PHF14: variants seen among roughly 807,000 people sequenced by gnomAD.
PHF14 encodes the protein PHD finger protein 14.
A neutral mutation model predicts 117.9 loss-of-function variants in PHF14; 55 were observed. The observed-to-expected ratio is 0.47, with a 90% CI of 0.38 to 0.58. PHF14 has a LOEUF of 0.58. Ranked by LOEUF, PHF14 falls within the 20% of genes least tolerant of loss-of-function variation. The pLI, the probability that PHF14 is intolerant of heterozygous loss-of-function variation, is 0.00. For missense variants in PHF14, 978 were observed against 1,122.2 expected, an observed-to-expected ratio of 0.87 and a Z score of 1.84; for synonymous variants, 409 against 368.6, an observed-to-expected ratio of 1.11 and a Z score of -1.26.
intron 16 of PHF14, among the ~76,000 whole-genome samples, chr7:11,080,781 CATGCCCTAATGAGCAAATGCATTAGA>C (rs1786068108): frequency 6.6e-6 from 1 of 152,170 alleles, no homozygotes; most frequent in Non-Finnish European, 1.5e-5. Context: ...GTGATTAAAG[CATGCCCTAATGAGCAAATGCATTAGA>C]GGGCCATCAA....
At position 11,028,088 on chromosome 7, in the gene PHF14, A is replaced by C. The variant is rs545618861; in HGVS notation, c.1318-593A>C. Among the ~76,000 whole-genome samples, 4 of 152,278 alleles carry C rather than the reference A, an allele frequency of 2.6e-5. No homozygotes were observed. In the South Asian group the frequency reaches 8.3e-4, roughly 32 times the overall value. On this transcript the variant is annotated intron_variant, in intron 6 of 17. Transcript: ENST00000634607. ...TAAGTTTAAAATATTTTAAGTTGAG[A>C]TTAATTTAATACACCTAACTTACTG...
rs772786098 is a variant in PHF14, at chr7:10,983,126, T to C, written c.867T>C (p.Asp289=). 1.3e-6 allele frequency: 2 copies of C among 1,598,366 alleles called. No homozygotes were observed. Among genetic ancestry groups the C allele is most frequent in the Non-Finnish European group, 1.7e-6 (2 of 1,178,964 alleles). ...NSADDEELTN[D]SLTLSQSKSN... ...CTGATGATGAGGAACTGACCAATGATAGCCTGACCCTATCTCAAAGCAAGA... is the reference window on the plus strand; with the variant it reads ...CTGATGATGAGGAACTGACCAATGACAGCCTGACCCTATCTCAAAGCAAGA... The change falls in exon 3 of 18, where the codon GAT becomes GAC. Residue 289 remains aspartate, a synonymous_variant. Coordinates refer to ENST00000634607, the MANE Select transcript of PHF14 (RefSeq NM_001007157.2).
chr7:10,985,288 T>C (rs1394605392), intron 3 of PHF14, among the ~76,000 whole-genome samples: 1 of 152,182 alleles, frequency 6.6e-6, no homozygotes, highest in Non-Finnish European at 1.5e-5. Context: ...TAGTTAAGTA[T>C]ATATTTGATT....
At chr7:10,997,483 CAT>C in intron 4 of PHF14, among the ~76,000 whole-genome samples, 1 of 152,168 alleles carries the variant, frequency 6.6e-6, no homozygotes, top group East Asian at 1.9e-4. Context: ...TATCCCAAAA[CAT>C]AGCAGCTTAA....
At chr7:11,116,256 GTC>G (rs1426382306) in intron 17 of PHF14, among the ~76,000 whole-genome samples, 1 of 151,892 alleles carries the variant, frequency 6.6e-6, no homozygotes, top group East Asian at 1.9e-4. Flanking sequence ...CTTATCTACT[GTC>G]TCTATCTCCA....
intron 4 of PHF14, among the ~76,000 whole-genome samples, chr7:10,996,882 T>C (rs1352938260): frequency 6.6e-6 from 1 of 152,244 alleles, no homozygotes; most frequent in African/African-American, 2.4e-5. Flanking sequence ...GGAGCAAGTA[T>C]GCCTGGTCAT....
At chr7:11,042,634 C>T in intron 12 of PHF14, 49 bp from the exon 13 acceptor site, 1 of 1,323,768 alleles carries the variant, frequency 7.6e-7, no homozygotes, top group South Asian at 1.4e-5. Context: ...TAAACTGTTT[C>T]ACTATGATAA....
In PHF14 at chr7:11,009,387, A is replaced by G. The variant is rs75924081; in HGVS notation, c.1046-4360A>G. Among the ~76,000 whole-genome samples the G allele has an allele frequency of 2.9e-4, 44 of 152,342 alleles. 1 individual carries two copies. The East Asian group carries it at 8.5e-3, about 29-fold the overall frequency. Reference sequence around the variant, plus strand: ...AACACATATTTTTATTTTCTTAAATATGAGTTGTGTACATTGCATATATTA... The same window carrying G: ...AACACATATTTTTATTTTCTTAAATGTGAGTTGTGTACATTGCATATATTA... On this transcript the variant is annotated intron_variant, in intron 4 of 17. Transcript: ENST00000634607.
chr7:10,987,365 CACAT>C (rs1583331730), intron 3 of PHF14, among the ~76,000 whole-genome samples: 1 of 151,976 alleles, frequency 6.6e-6, no homozygotes. Context: ...TTGTATTAAA[CACAT>C]GTGATTTAGA....
intron 5 of PHF14, among the ~76,000 whole-genome samples, chr7:11,018,874 G>A (rs1445811618): frequency 2.0e-5 from 3 of 152,002 alleles, no homozygotes; most frequent in Non-Finnish European, 4.4e-5. Flanking sequence ...ACTAGCTGTG[G>A]GTCTGTCATA....
At chr7:11,046,662 AC>A (rs1784675644) in intron 13 of PHF14, among the ~76,000 whole-genome samples, 1 of 152,180 alleles carries the variant, frequency 6.6e-6, no homozygotes, top group Non-Finnish European at 1.5e-5. Flanking sequence ...TATTATAACT[AC>A]AAAAAGAATA....
At chr7:11,002,558 C>T (rs1304912650) in intron 4 of PHF14, among the ~76,000 whole-genome samples, 4 of 152,068 alleles carry the variant, frequency 2.6e-5, no homozygotes, top group Non-Finnish European at 4.4e-5. Flanking sequence ...CCTGTCTCAG[C>T]CTCCCAGAGT....
At chr7:11,164,980 A>C (rs573465229) in intron 17 of PHF14, among the ~76,000 whole-genome samples, 1 of 152,134 alleles carries the variant, frequency 6.6e-6, no homozygotes, top group African/African-American at 2.4e-5. Flanking sequence ...GCTGCAGTGC[A>C]GTGGCGCGAT....
chr7:10,989,155 G>A (rs1408158656), intron 3 of PHF14, among the ~76,000 whole-genome samples: 1 of 152,102 alleles, frequency 6.6e-6, no homozygotes, highest in Non-Finnish European at 1.5e-5. Flanking sequence ...CTATATTCTT[G>A]TTGATGTTTG....
intron 4 of PHF14, among the ~76,000 whole-genome samples, chr7:11,001,671 G>C (rs1392925933): frequency 6.6e-6 from 1 of 151,818 alleles, no homozygotes; most frequent in Non-Finnish European, 1.5e-5. Flanking sequence ...AATTCTACTT[G>C]TTCATTGCTT....
intron 16 of PHF14, chr7:11,108,486 C>A (rs1310471812): frequency 6.6e-6 from 1 of 151,712 alleles, no homozygotes; most frequent in African/African-American, 2.4e-5. Flanking sequence ...ACCCCTAATT[C>A]TGACAAGCAA....
At position 11,061,847 on chromosome 7, in the gene PHF14, A is replaced by G; in HGVS notation, c.2532+6A>G. On this transcript the variant is annotated splice_donor_region_variant and intron_variant, in intron 15 of 17. Transcript: ENST00000634607. ...CTGAGGAAGAAAAACATGAGGTTGG[A>G]ATAAGTTAAGCACTTTTACACAGTC... is the stretch of plus-strand genomic sequence containing the variant. 6.5e-7 allele frequency: 1 copy of G among 1,532,668 alleles called. No individual in the cohort carries two copies. Among genetic ancestry groups the G allele is most frequent in the East Asian group, 2.4e-5 (1 of 41,008 alleles). 94.9% of individuals were successfully genotyped at this position (1,532,668 alleles called of 1,614,324 possible).
chr7:11,039,666 A>G (rs1358603306), intron 11 of PHF14, among the ~76,000 whole-genome samples: 2 of 152,220 alleles, frequency 1.3e-5, no homozygotes, highest in Non-Finnish European at 2.9e-5. Context: ...TGGAGAGTCA[A>G]ATTCATCACA....
At chr7:11,046,822 T>C (rs1784680427) in intron 13 of PHF14, among the ~76,000 whole-genome samples, 1 of 151,766 alleles carries the variant, frequency 6.6e-6, no homozygotes, top group Admixed American at 6.6e-5. Context: ...GTCAAGACTT[T>C]CCTCTAAATA....
Sources: gnomAD v4.1 joint callset for allele counts (sites outside exome capture counted in the v4.1 genomes callset) on GRCh38, gnomAD v4.1.1 for gene constraint, MANE v1.5 for transcripts, NCBI Gene and HGNC (gene_info 2026-07-23, HGNC 2026-07-21) for gene names.